Variants in CCDC138 observed in about 807,000 individuals in gnomAD.
CCDC138 encodes coiled-coil domain-containing protein 138.
CCDC138 carries 66 observed loss-of-function variants against 82.3 expected under a neutral mutation model. The observed-to-expected ratio is 0.80, with a 90% CI of 0.66 to 0.98. CCDC138 has a LOEUF of 0.98. Among genes scored for constraint, CCDC138 ranks in the 50% least tolerant of loss-of-function variants. The pLI, the probability that CCDC138 is intolerant of heterozygous loss-of-function variation, is 0.00. For missense variants in CCDC138, 816 were observed against 758.9 expected, an observed-to-expected ratio of 1.08 and a Z score of -0.88; for synonymous variants, 297 against 265.4, an observed-to-expected ratio of 1.12 and a Z score of -1.16.
At chr2:108,854,002 T>TAA (rs1258570138) in intron 12 of CCDC138, among the ~76,000 whole-genome samples, 1 of 10,674 alleles carries the variant, frequency 9.4e-5, no homozygotes, top group East Asian at 0.011. Flanking sequence ...TAAATTTATA[T>TAA]TATATATAAT....
chr2:108,876,748 GAA>G, downstream of CCDC138, among the ~76,000 whole-genome samples: 1 of 151,866 alleles, frequency 6.6e-6, no homozygotes, highest in East Asian at 1.9e-4. Flanking sequence ...TTGTGGGATA[GAA>G]AAAGTTTTTT....
intron 3 of CCDC138, among the ~76,000 whole-genome samples, chr2:108,791,382 T>C (rs892674761): frequency 1.3e-5 from 2 of 152,192 alleles, no homozygotes; most frequent in African/African-American, 4.8e-5. Context: ...GATAACAGAT[T>C]ATTGGGAGTC....
chr2:108,812,552 A>G, intron 7 of CCDC138, 79 bp from the exon 8 acceptor site: 3 of 999,632 alleles, frequency 3.0e-6, no homozygotes, highest in Non-Finnish European at 3.1e-6. Context: ...CAACCAGATT[A>G]GATAGTAGAT....
In CCDC138 at chr2:108,800,501, G is replaced by A. The variant is rs1343706798; in HGVS notation, c.735+1915G>A. ...GCTGGTCTTGAATTCCTGACCTCAA[G>A]CAATCCACCTGCCTCGCCCTCCCAA... On this transcript the variant is annotated intron_variant, in intron 6 of 14. Coordinates refer to ENST00000295124, the MANE Select transcript of CCDC138 (RefSeq NM_144978.3). Among the ~76,000 whole-genome samples the A allele has an allele frequency of 2.0e-5, 3 of 150,698 alleles. No individual in the cohort carries two copies. The South Asian group carries it at 6.4e-4, about 32-fold the overall frequency.
intron 2 of CCDC138, chr2:108,883,670 G>A (rs965241742): frequency 2.0e-5 from 3 of 152,230 alleles, no homozygotes; most frequent in African/African-American, 2.4e-5. Flanking sequence ...ATGCTCACTC[G>A]AGTGGGCTTC....
At chr2:108,880,224 C>CAAAA (rs3028925), downstream of CCDC138, among the ~76,000 whole-genome samples, 212 of 50,466 alleles carry the variant, frequency 4.2e-3, no homozygotes, top group African/African-American at 0.01. Context: ...CAAAAACAAA[C>CAAAA]AAAAAAAAAA....
chr2:108,802,794 A>G (rs967926806), intron 6 of CCDC138, among the ~76,000 whole-genome samples: 15 of 151,672 alleles, frequency 9.9e-5, no homozygotes, highest in Non-Finnish European at 1.8e-4. Flanking sequence ...ATTATTTTGA[A>G]ATACGTCCCA....
chr2:108,865,291 T>C (rs1288557211), intron 13 of CCDC138, among the ~76,000 whole-genome samples: 1 of 152,202 alleles, frequency 6.6e-6, no homozygotes, highest in Non-Finnish European at 1.5e-5. Context: ...TAAACAGTGC[T>C]TCTGTGAATA....
Position 108,856,913 on chromosome 2 carries a change from A to G in CCDC138, c.1636A>G (p.Ser546Gly), listed in dbSNP as rs780896070. ...AATATTAAGTCATCTAAGAATATCC[A>G]GTAAAGGACTCCTGTCTAATGTTAT... ...PVILSHLRISSKGLLSNVIDS... is the reference protein window; with the variant it reads ...PVILSHLRISGKGLLSNVIDS... The change falls in exon 13 of 15, where the codon AGT becomes GGT. Residue 546 changes from serine to glycine, a missense_variant. Physicochemically the swap from Ser to Gly is moderately conservative, Grantham distance 56 (BLOSUM62 0). Coordinates refer to ENST00000295124, the MANE Select transcript of CCDC138 (RefSeq NM_144978.3). 7.4e-6 allele frequency: 12 copies of G among 1,613,218 alleles called. No individual in the cohort carries two copies. The highest frequency in any genetic ancestry group is 2.7e-5 in the African/African-American group (2 of 74,844).
At chr2:108,817,436 G>T (rs1684978299) in intron 10 of CCDC138, among the ~76,000 whole-genome samples, 2 of 152,100 alleles carry the variant, frequency 1.3e-5, no homozygotes, top group South Asian at 4.1e-4. Context: ...GAGACTACAG[G>T]TGTGTGCCAC....
In CCDC138 at chr2:108,798,564, C is replaced by A. The variant is rs765916341; in HGVS notation, c.713C>A (p.Thr238Lys). Residue 238 changes from threonine to lysine, a missense_variant, in exon 6 of 15, where the codon ACA becomes AAA. Thr to Lys is a moderately conservative substitution (Grantham distance 78). Coordinates refer to ENST00000295124, the MANE Select transcript of CCDC138 (RefSeq NM_144978.3). ...KIKGVEEEVL[T>K]RFQIIKEQHD... Reference sequence around the variant, plus strand: ...AAAGGTGTTGAAGAAGAGGTTCTTACAAGATTTCAAATTATAAAAGAGGTA... The same window carrying A: ...AAAGGTGTTGAAGAAGAGGTTCTTAAAAGATTTCAAATTATAAAAGAGGTA... 39 of 1,609,820 alleles carry A rather than the reference C, an allele frequency of 2.4e-5. No individual in the cohort carries two copies. Among genetic ancestry groups the A allele is most frequent in the Non-Finnish European group, 3.2e-5 (38 of 1,178,236 alleles).
chr2:108,862,054 A>T (rs1693709503), intron 13 of CCDC138, among the ~76,000 whole-genome samples: 1 of 146,296 alleles, frequency 6.8e-6, no homozygotes. Flanking sequence ...CTATGGCCCA[A>T]GAGGATTCTT....
At chr2:108,874,961 A>T (rs1325793883) in intron 14 of CCDC138, among the ~76,000 whole-genome samples, 1 of 151,810 alleles carries the variant, frequency 6.6e-6, no homozygotes, top group Non-Finnish European at 1.5e-5. Context: ...TGCAAGTATA[A>T]CCTTGGGCCA....
chr2:108,789,036 C>T (rs1055765369), intron 3 of CCDC138, 70 bp downstream of exon 3: 8 of 1,546,268 alleles, frequency 5.2e-6, no homozygotes, highest in Non-Finnish European at 7.1e-6. Flanking sequence ...GAGAAAAGGG[C>T]AGGTTATATT....
intron 13 of CCDC138, among the ~76,000 whole-genome samples, chr2:108,858,009 T>C (rs746497228): frequency 6.4e-4 from 98 of 152,278 alleles, no homozygotes; most frequent in Non-Finnish European, 1.3e-3. Context: ...TTAGAGGAGA[T>C]AGTCAACAGT....
intron 6 of CCDC138, 122 bp downstream of exon 6, chr2:108,798,708 TA>T (rs1681336167): frequency 2.5e-6 from 1 of 394,720 alleles, no homozygotes; most frequent in African/African-American, 2.2e-5. Context: ...TCTCCACGCC[TA>T]CACACACACA....
chr2:108,839,321 TTATC>T lies in CCDC138; in HGVS notation c.1323+24_1323+27del, dbSNP rs1330883322. On this transcript the variant is annotated intron_variant, in intron 11 of 14. Transcript: ENST00000295124. ...GCACAGGTAATTGGTTAATAGGAAT[TTATC>T]TATAAGTAATACTCCACCTAATATT... 5 of 1,595,232 alleles carry T rather than the reference TTATC, an allele frequency of 3.1e-6. No individual in the cohort carries two copies. Among genetic ancestry groups the T allele is most frequent in the African/African-American group, 2.7e-5 (2 of 74,440 alleles).
intron 10 of CCDC138, among the ~76,000 whole-genome samples, chr2:108,836,649 G>A (rs1450234875): frequency 1.3e-5 from 2 of 152,122 alleles, no homozygotes; most frequent in African/African-American, 4.8e-5. Flanking sequence ...AGATCGCTTT[G>A]GGTAGCATGG....
At chr2:108,862,374 C>T (rs953484916) in intron 13 of CCDC138, among the ~76,000 whole-genome samples, 2 of 152,150 alleles carry the variant, frequency 1.3e-5, no homozygotes, top group Non-Finnish European at 2.9e-5. Flanking sequence ...GGGATCTTCA[C>T]AGGCTGGGAG....
Sources: gnomAD v4.1 joint callset for allele counts (sites outside exome capture counted in the v4.1 genomes callset) on GRCh38, gnomAD v4.1.1 for gene constraint, MANE v1.5 for transcripts, NCBI Gene and HGNC (gene_info 2026-07-23, HGNC 2026-07-21) for gene names.